SLC38A9: variants seen among roughly 807,000 people sequenced by gnomAD.
The protein encoded by SLC38A9 is neutral amino acid transporter 9.
In SLC38A9, 48 loss-of-function variants were observed where a neutral mutation model predicts 62.3. The ratio of observed to expected loss-of-function variants is 0.77; its 90% CI spans 0.61 to 0.98. The LOEUF (loss-of-function observed/expected upper bound fraction) is 0.98. SLC38A9 is among the 50% of genes least tolerant of loss of function. SLC38A9 has a pLI of 0.00. For synonymous variants in SLC38A9, 204 were observed against 227.7 expected (o/e 0.90, Z 0.94); for missense variants, 541 against 679.8 (o/e 0.80, Z 2.27).
At chr5:55,708,673 T>C (rs979392387) in intron 2 of SLC38A9, among the ~76,000 whole-genome samples, 3 of 152,264 alleles carry the variant, frequency 2.0e-5, no homozygotes, top group African/African-American at 4.8e-5. Context: ...TACTTTTGTG[T>C]ATGTTATAGA....
intron 8 of SLC38A9, among the ~76,000 whole-genome samples, chr5:55,662,043 A>AG (rs1749666023): frequency 6.6e-6 from 1 of 152,238 alleles, no homozygotes; most frequent in Non-Finnish European, 1.5e-5. Flanking sequence ...AACTGTTGGC[A>AG]GGAGTGTAAG....
chr5:55,652,204 C>A (rs541292414), intron 10 of SLC38A9, among the ~76,000 whole-genome samples: 12 of 150,938 alleles, frequency 8.0e-5, no homozygotes, highest in African/African-American at 2.9e-4. Flanking sequence ...ACCAAAAATA[C>A]AAAATTAGCT....
intron 10 of SLC38A9, among the ~76,000 whole-genome samples, chr5:55,651,695 A>G (rs1277269111): frequency 6.6e-6 from 1 of 152,174 alleles, no homozygotes; most frequent in East Asian, 1.9e-4. Context: ...AAATAAACCT[A>G]CGAAGCCTGA....
intron 2 of SLC38A9, among the ~76,000 whole-genome samples, chr5:55,705,887 T>G (rs988868283): frequency 6.6e-6 from 1 of 152,096 alleles, no homozygotes; most frequent in Admixed American, 6.5e-5. Context: ...TTTTTGTATT[T>G]TTAGTAGAGA....
At chr5:55,650,537 G>T (rs1747200941) in intron 10 of SLC38A9, among the ~76,000 whole-genome samples, 1 of 152,114 alleles carries the variant, frequency 6.6e-6, no homozygotes, top group African/African-American at 2.4e-5. Context: ...CAGAAAAGTT[G>T]GCAAGCAAAT....
At chr5:55,672,224 T>A (rs2150358157) in intron 4 of SLC38A9, among the ~76,000 whole-genome samples, 2 of 152,312 alleles carry the variant, frequency 1.3e-5, no homozygotes, top group Middle Eastern at 6.8e-3. Context: ...TTGTCCACAC[T>A]AAGCAGAACA....
At chr5:55,682,760 C>T (rs1753208074) in intron 3 of SLC38A9, among the ~76,000 whole-genome samples, 1 of 116,584 alleles carries the variant, frequency 8.6e-6, no homozygotes, top group African/African-American at 2.9e-5. Context: ...GGCATGAGAC[C>T]ATGCCTCAAA....
At chr5:55,675,128 T>C (rs1444364555) in intron 3 of SLC38A9, 1 of 152,228 alleles carries the variant, frequency 6.6e-6, no homozygotes, top group East Asian at 1.9e-4. Flanking sequence ...CCTTTTACTT[T>C]AAAAATTCAA....
intron 4 of SLC38A9, among the ~76,000 whole-genome samples, 168 bp from the exon 5 acceptor site, chr5:55,670,047 C>T (rs927255114): frequency 2.6e-5 from 4 of 152,186 alleles, no homozygotes; most frequent in East Asian, 1.9e-4. Flanking sequence ...TCACTGCAAG[C>T]GCCGCCTCCT....
Position 55,687,918 on chromosome 5 carries a change from C to A in SLC38A9, c.113+9928G>T, listed in dbSNP as rs569860399. 2.6e-5 allele frequency among the ~76,000 whole-genome samples: 4 copies of A among 152,268 alleles called. No homozygotes were observed. The South Asian group carries it at 8.3e-4, about 32-fold the overall frequency. On this transcript the variant is annotated intron_variant, in intron 3 of 15. Transcript: ENST00000396865. ...TTCACTGTGTTAGCCAGGATGGTCT[C>A]AATCTCCTGACCTCATGATCCGCCC...
intron 8 of SLC38A9, among the ~76,000 whole-genome samples, chr5:55,662,676 C>A (rs867780775): frequency 6.3e-3 from 290 of 45,742 alleles, no homozygotes; most frequent in Middle Eastern, 0.05. Flanking sequence ...CTCAAAAAAA[C>A]AAAAAAAAAC....
intron 2 of SLC38A9, among the ~76,000 whole-genome samples, chr5:55,709,456 C>T (rs564103735): frequency 1.3e-5 from 2 of 151,762 alleles, no homozygotes; most frequent in South Asian, 4.2e-4. Context: ...GTGGCTCATG[C>T]CTGTAATCCC....
intron 11 of SLC38A9, among the ~76,000 whole-genome samples, chr5:55,646,928 A>G (rs114861384): frequency 0.011 from 1,602 of 152,126 alleles, 24 homozygotes; most frequent in African/African-American, 0.037. Context: ...GTTTAAAAGA[A>G]TTATTTTTTT....
At chr5:55,635,750 T>C in intron 12 of SLC38A9, 93 bp from the exon 13 acceptor site, 1 of 800,502 alleles carries the variant, frequency 1.2e-6, no homozygotes, top group Non-Finnish European at 2.0e-6. Context: ...AAATATAAAA[T>C]TTGTCTTTTT....
intron 3 of SLC38A9, among the ~76,000 whole-genome samples, chr5:55,678,380 AC>A (rs1472002397): frequency 6.6e-6 from 1 of 151,970 alleles, no homozygotes; most frequent in Admixed American, 6.6e-5. Context: ...CAGGTGTGCC[AC>A]CCGCCTTCAC....
chr5:55,709,736 C>G (rs1281877974), intron 2 of SLC38A9, among the ~76,000 whole-genome samples: 7 of 151,856 alleles, frequency 4.6e-5, no homozygotes, highest in African/African-American at 1.7e-4. Context: ...ATGTATGTAA[C>G]TGAAATATAT....
Position 55,633,753 on chromosome 5 carries a change from C to CCTAG in SLC38A9, c.1427_1430dup (p.Ile478Ter). Reference sequence around the variant, plus strand: ...CTGCTGGTCAAGAGAAGAGCCCTTACCTAGGATAAATGTCACCGAAGATAT... The same window carrying CCTAG: ...CTGCTGGTCAAGAGAAGAGCCCTTACCTAGCTAGGATAAATGTCACCGAAGATAT... On this transcript the variant is annotated stop_gained and frameshift_variant and splice_region_variant. Coordinates refer to ENST00000396865, the MANE Select transcript of SLC38A9 (RefSeq NM_173514.4). LOFTEE classifies it high-confidence loss of function. 1 of 1,614,084 alleles carries CCTAG rather than the reference C, an allele frequency of 6.2e-7. No individual in the cohort carries two copies. Among genetic ancestry groups the CCTAG allele is most frequent in the East Asian group, 2.2e-5 (1 of 44,876 alleles).
chr5:55,644,417 T>C (rs1429876044), intron 12 of SLC38A9, among the ~76,000 whole-genome samples: 1 of 152,118 alleles, frequency 6.6e-6, no homozygotes, highest in Non-Finnish European at 1.5e-5. Context: ...TTTGGATCAG[T>C]TGCATTTTTT....
rs1433115351 is a variant in SLC38A9, at chr5:55,644,720, C to CATT, written c.1167+1066_1167+1068dup. On this transcript the variant is annotated intron_variant, in intron 12 of 15. Coordinates refer to ENST00000396865, the MANE Select transcript of SLC38A9 (RefSeq NM_173514.4). ...AGGCGTGAGCCACCATGCCCAGCCG[C>CATT]ATTATTATTATTATACTTTAAGTTT... Among the ~76,000 whole-genome samples, 10 of 151,962 alleles carry CATT rather than the reference C, an allele frequency of 6.6e-5. No homozygotes were observed. In the East Asian group the frequency reaches 1.9e-3, roughly 29 times the overall value.
Sources: allele counts gnomAD v4.1 joint callset (sites outside exome capture counted in the v4.1 genomes callset), GRCh38; gene constraint gnomAD v4.1.1; transcripts MANE v1.5; gene names NCBI Gene and HGNC (gene_info 2026-07-23, HGNC 2026-07-21).